Variants in KIF27 observed in about 807,000 individuals in gnomAD.
KIF27 encodes kinesin family member 27.
Under a neutral mutation model 141.8 loss-of-function variants are expected in KIF27, and 84 were observed. That is an observed-to-expected ratio of 0.59 (90% CI 0.50 to 0.71). The LOEUF (loss-of-function observed/expected upper bound fraction) is 0.71, where lower values mean the gene tolerates loss of function less well. Among genes scored for constraint, KIF27 ranks in the 30% least tolerant of loss-of-function variants. The pLI is 0.00. For missense variants in KIF27, 1,306 were observed against 1,628.4 expected (o/e 0.80, Z 3.41); for synonymous variants, 471 against 569.5 (o/e 0.83, Z 2.46).
chr9:83,848,132 C>CTGATATATCAT lies in KIF27; in HGVS notation c.3556+1966_3556+1967insATGATATATCA, dbSNP rs1947691525. Among the ~76,000 whole-genome samples the CTGATATATCAT allele has an allele frequency of 1.8e-4, 7 of 38,030 alleles. 3 individuals are homozygous for CTGATATATCAT. Among genetic ancestry groups the CTGATATATCAT allele is most frequent in the Non-Finnish European group, 2.9e-4 (6 of 20,502 alleles). 24.9% of individuals were successfully genotyped at this position (38,030 alleles called of 152,430 possible). On this transcript the variant is annotated intron_variant, in intron 16 of 17. Coordinates refer to ENST00000297814, the MANE Select transcript of KIF27 (RefSeq NM_017576.4). ...CTCATATCTGATATATCTGATATCT[C>CTGATATATCAT]ATATATGATATATCTGATATATCAT...
chr9:83,920,772 C>T (rs1956178394), intron 1 of KIF27, among the ~76,000 whole-genome samples: 1 of 152,118 alleles, frequency 6.6e-6, no homozygotes, highest in Non-Finnish European at 1.5e-5. Context: ...TTTATAGTCA[C>T]CTGCCTCCGA....
At chr9:83,912,284 C>T (rs1412013359) in intron 2 of KIF27, among the ~76,000 whole-genome samples, 24 of 152,286 alleles carry the variant, frequency 1.6e-4, no homozygotes, top group African/African-American at 5.8e-4. Context: ...TACCAAAGTT[C>T]TGGTTTTTGG....
Position 83,920,901 on chromosome 9 carries a change from AT to A in KIF27, c.-88+469del, listed in dbSNP as rs1213099686. Among the ~76,000 whole-genome samples, 159 of 151,484 alleles carry A rather than the reference AT, an allele frequency of 1.0e-3. 1 individual carries two copies. The highest frequency in any genetic ancestry group is 3.6e-3 in the African/African-American group (148 of 41,190). Reference sequence around the variant, plus strand: ...CAAGTTTCAACCTCTACGGTGGGAAATGCGCCCAAGTTTCAACCTCTACGGT... The same window carrying A: ...CAAGTTTCAACCTCTACGGTGGGAAAGCGCCCAAGTTTCAACCTCTACGGT... On this transcript the variant is annotated intron_variant, in intron 1 of 17. Transcript: ENST00000297814.
chr9:83,850,138 G>T lies in KIF27; in HGVS notation c.3517C>A (p.His1173Asn). 6.2e-7 allele frequency: 1 copy of T among 1,613,950 alleles called. No individual in the cohort carries two copies. Residue 1173 changes from histidine (H) to asparagine (N), a missense_variant, in exon 16 of 18, where the codon CAC becomes AAC. Around this residue, in one of 4 missense-constraint regions of KIF27, gnomAD observed 596 missense variants for 751.6 expected, o/e 0.79. Coordinates refer to ENST00000297814, the MANE Select transcript of KIF27 (RefSeq NM_017576.4). The stretch of plus-strand genomic sequence containing the variant: ...AATAGCAACTGCATCTTTTGTTCGT[G>T]TTCCTTTTGCTGGAGGGTCAGTCTC... ...DRRLTLQQKEHEQKMQLLLHH... is the reference protein window; with the variant it reads ...DRRLTLQQKENEQKMQLLLHH...
chr9:83,901,267 G>C (rs1488425079), intron 4 of KIF27, among the ~76,000 whole-genome samples: 2 of 152,148 alleles, frequency 1.3e-5, no homozygotes, highest in Non-Finnish European at 2.9e-5. Flanking sequence ...GCTGAGACTA[G>C]TACATTTTAA....
chr9:83,905,151 G>A (rs1158787132), intron 3 of KIF27, among the ~76,000 whole-genome samples: 6 of 147,126 alleles, frequency 4.1e-5, no homozygotes, highest in Admixed American at 6.8e-5. Context: ...ATGGAGTCTC[G>A]CTCTGTCCCC....
intron 17 of KIF27, among the ~76,000 whole-genome samples, chr9:83,841,244 A>G (rs1388610085): frequency 3.3e-5 from 5 of 151,876 alleles, no homozygotes; most frequent in African/African-American, 9.7e-5. Context: ...CTAATTTTGT[A>G]TTTTTTAATA....
At position 83,915,386 on chromosome 9, in the gene KIF27, A is replaced by C. The variant is rs370476698; in HGVS notation, c.206T>G (p.Val69Gly). Residue 69 changes from valine (V) to glycine (G), a missense_variant, in exon 2 of 18, where the codon GTG (valine) becomes GGG (glycine). Around this residue, in one of 4 missense-constraint regions of KIF27, gnomAD observed 533 missense variants for 565.6 expected, o/e 0.94. Transcript: ENST00000297814. ...ATTATAGCCCTCAATGAGTGACAAC[A>C]CTAGGGGCTTTATACATGTGTTATA... is the stretch of plus-strand genomic sequence containing the variant. The part of the protein sequence containing the change: ...EVYNTCIKPL[V>G]LSLIEGYNAT... The C allele has an allele frequency of 1.1e-5, 17 of 1,613,768 alleles. No individual in the cohort carries two copies. In the African/African-American group the frequency reaches 2.3e-4, roughly 22 times the overall value.
At chr9:83,855,876 T>G (rs1305371737) in intron 14 of KIF27, among the ~76,000 whole-genome samples, 10 of 152,218 alleles carry the variant, frequency 6.6e-5, no homozygotes, top group African/African-American at 2.4e-4. Flanking sequence ...TTCTATGGTT[T>G]TGGATCTAAG....
intron 5 of KIF27, among the ~76,000 whole-genome samples, chr9:83,892,082 G>A (rs1952737901): frequency 6.6e-6 from 1 of 152,074 alleles, no homozygotes; most frequent in African/African-American, 2.4e-5. Flanking sequence ...GTGTATATGT[G>A]GTTTAGTATT....
chr9:83,910,560 C>G (rs1451739823), intron 2 of KIF27, among the ~76,000 whole-genome samples: 1 of 152,126 alleles, frequency 6.6e-6, no homozygotes, highest in Non-Finnish European at 1.5e-5. Flanking sequence ...AAAGGGACAA[C>G]AAGAAAAGAC....
intron 12 of KIF27, among the ~76,000 whole-genome samples, chr9:83,869,061 T>C (rs2132022690): frequency 6.6e-6 from 1 of 152,242 alleles, no homozygotes; most frequent in South Asian, 2.1e-4. Flanking sequence ...GAAAGATGAA[T>C]AAGAGATTCT....
At chr9:83,887,462 T>G (rs1952215206) in intron 8 of KIF27, among the ~76,000 whole-genome samples, 1 of 152,246 alleles carries the variant, frequency 6.6e-6, no homozygotes, top group Admixed American at 6.5e-5. Flanking sequence ...ACACAGTTTT[T>G]CATTGCCTTT....
chr9:83,875,288 C>T (rs930422661), intron 11 of KIF27, among the ~76,000 whole-genome samples: 30 of 152,150 alleles, frequency 2.0e-4, no homozygotes, highest in Admixed American at 3.3e-4. Context: ...ATAAGAAAGA[C>T]GCAAGAGCCA....
chr9:83,837,623 T>C (rs965659221), intron 17 of KIF27, 138 bp from the exon 18 acceptor site: 11 of 708,160 alleles, frequency 1.6e-5, no homozygotes, highest in Non-Finnish European at 2.1e-5. Context: ...AAATGACTTA[T>C]TTTAGATGAA....
At chr9:83,848,018 A>G (rs1419324618) in intron 16 of KIF27, 1 of 140,106 alleles carries the variant, frequency 7.1e-6, no homozygotes, top group East Asian at 2.0e-4. Flanking sequence ...TATATCATAT[A>G]TGCTATATCT....
At chr9:83,856,672 C>T (rs1588015456) in intron 14 of KIF27, among the ~76,000 whole-genome samples, 1 of 144,280 alleles carries the variant, frequency 6.9e-6, no homozygotes, top group African/African-American at 2.6e-5. Context: ...ACCAGGCAGG[C>T]GGAGGTTGTA....
intron 13 of KIF27, among the ~76,000 whole-genome samples, chr9:83,865,828 G>A (rs1950311681): frequency 6.6e-6 from 1 of 152,076 alleles, no homozygotes; most frequent in Non-Finnish European, 1.5e-5. Context: ...GTCAGGTATC[G>A]AAAAGCAGAT....
chr9:83,890,139 T>G (rs1952529819), intron 6 of KIF27, among the ~76,000 whole-genome samples: 1 of 152,320 alleles, frequency 6.6e-6, no homozygotes, highest in Non-Finnish European at 1.5e-5. Flanking sequence ...TATCACACAG[T>G]GTTTAGGATT....
Sources: allele counts gnomAD v4.1 joint callset (sites outside exome capture counted in the v4.1 genomes callset), GRCh38; gene constraint gnomAD v4.1.1; regional missense constraint gnomAD v4.1.1; transcripts MANE v1.5; gene names NCBI Gene and HGNC (gene_info 2026-07-23, HGNC 2026-07-21).